The following PLCG2 variants were observed in gnomAD, a reference collection of about 807,000 sequenced individuals.
The protein encoded by PLCG2 is 1-phosphatidylinositol 4,5-bisphosphate phosphodiesterase gamma-2.
Under a neutral mutation model 175.6 loss-of-function variants are expected in PLCG2, and 69 were observed. That is an observed-to-expected ratio of 0.39 (90% confidence interval 0.32 to 0.48). PLCG2 has a LOEUF of 0.48. Among genes scored for constraint, PLCG2 ranks in the 20% least tolerant of loss-of-function variants. PLCG2 has a pLI of 0.91. For synonymous variants in PLCG2, 827 were observed against 624.0 expected (o/e 1.33, Z -4.85); for missense variants, 1,798 against 1,650.9 (o/e 1.09, Z -1.54).
intron 1 of PLCG2, among the ~76,000 whole-genome samples, chr16:81,753,494 C>G (rs1281851784): frequency 6.6e-6 from 1 of 151,664 alleles, no homozygotes; most frequent in Non-Finnish European, 1.5e-5. Flanking sequence ...TCTTGGCTCA[C>G]TGATGCCTCC....
chr16:81,798,937 C>G (rs1028609434), intron 2 of PLCG2: 1 of 152,452 alleles, frequency 6.6e-6, no homozygotes, highest in African/African-American at 2.4e-5. Flanking sequence ...CAGGATGTCC[C>G]TGGCCTGCCA....
At chr16:81,785,786 C>A in intron 1 of PLCG2, 157 bp from the exon 2 acceptor site, 1 of 555,786 alleles carries the variant, frequency 1.8e-6, no homozygotes. Flanking sequence ...CCTGCCTTAG[C>A]TCTCTGAGTG....
chr16:81,833,980 C>T (rs1285668547), intron 2 of PLCG2, among the ~76,000 whole-genome samples: 1 of 152,146 alleles, frequency 6.6e-6, no homozygotes, highest in Non-Finnish European at 1.5e-5. Context: ...CAGGTTCACC[C>T]CAAGGTTTTC....
upstream of PLCG2, among the ~76,000 whole-genome samples, chr16:81,774,744 GT>G (rs113581312): frequency 0.027 from 3,801 of 142,900 alleles, 92 homozygotes; most frequent in African/African-American, 0.066. Context: ...CTCTAAGGGT[GT>G]TTTTTTTTTT....
At chr16:81,770,848 G>C (rs1910263290) in intron 2 of PLCG2, among the ~76,000 whole-genome samples, 1 of 152,156 alleles carries the variant, frequency 6.6e-6, no homozygotes, top group South Asian at 2.1e-4. Context: ...CGTGAGGTCA[G>C]GAGATCGAGA....
chr16:81,754,731 G>A (rs924930826), intron 1 of PLCG2, among the ~76,000 whole-genome samples: 1 of 151,718 alleles, frequency 6.6e-6, no homozygotes, highest in Non-Finnish European at 1.5e-5. Context: ...AAGTATGTGT[G>A]GGAGGGATCC....
rs1555504902 is a variant in PLCG2 at position 81,771,069 on chromosome 16, A to AAAT, written c.-47-14872_-47-14871insTAA. Among the ~76,000 whole-genome samples the AAAT allele has an allele frequency of 7.0e-3, 1,022 of 145,132 alleles. 13 individuals carry two copies. The highest frequency in any genetic ancestry group is 0.014 in the Middle Eastern group (4 of 284). On this transcript the variant is annotated intron_variant, in intron 2 of 5. Coordinates refer to the PLCG2 transcript ENST00000565054. ...CGAGACTCCATCTCAAAAAAAAAAAAAAATAAATAAATAAATAAAAGGCCC... is the reference window on the plus strand; with the variant it reads ...CGAGACTCCATCTCAAAAAAAAAAAAAATAAATAAATAAATAAATAAAAGGCCC...
chr16:81,819,639 C>G (rs188098197), intron 2 of PLCG2, among the ~76,000 whole-genome samples: 1 of 152,210 alleles, frequency 6.6e-6, no homozygotes, highest in African/African-American at 2.4e-5. Context: ...GGCTGTAGTG[C>G]GGTGGCGCTA....
At chr16:81,857,793 C>T (rs574956659) in intron 3 of PLCG2, among the ~76,000 whole-genome samples, 1 of 152,210 alleles carries the variant, frequency 6.6e-6, no homozygotes, top group East Asian at 1.9e-4. Context: ...GTAATGGCTG[C>T]TATGAGCTGT....
intron 2 of PLCG2, among the ~76,000 whole-genome samples, chr16:81,799,737 C>T (rs1449877511): frequency 9.9e-5 from 15 of 152,048 alleles, no homozygotes; most frequent in Admixed American, 2.6e-4. Context: ...GGACTACAGG[C>T]GCCCGCCACC....
intron 1 of PLCG2, among the ~76,000 whole-genome samples, chr16:81,748,047 G>C (rs1453584256): frequency 6.6e-6 from 1 of 152,070 alleles, no homozygotes; most frequent in Non-Finnish European, 1.5e-5. Context: ...GCTAATTTTT[G>C]TATTTTTAGT....
At chr16:81,923,240 C>T (rs551475710) in intron 21 of PLCG2, among the ~76,000 whole-genome samples, 2 of 151,974 alleles carry the variant, frequency 1.3e-5, no homozygotes, top group Admixed American at 1.3e-4. Flanking sequence ...CTCCTAACCC[C>T]TAACCCTTAA....
intron 2 of PLCG2, among the ~76,000 whole-genome samples, chr16:81,764,953 G>T (rs1009296712): frequency 6.6e-6 from 1 of 151,630 alleles, no homozygotes; most frequent in East Asian, 1.9e-4. Context: ...GCCGGGCATA[G>T]TAGTGTGCAC....
At chr16:81,915,141 T>C (rs549026033) in intron 19 of PLCG2, among the ~76,000 whole-genome samples, 3 of 152,304 alleles carry the variant, frequency 2.0e-5, no homozygotes, top group Middle Eastern at 3.4e-3. Context: ...TGATGAGTGC[T>C]ACAAAGGGAT....
In PLCG2 at chr16:81,869,239, A is replaced by T; in HGVS notation, c.505A>T (p.Ile169Phe). The part of the protein sequence containing the change: ...NSISLRELKT[I>F]LPLINFKVSS... Reference sequence around the variant, plus strand: ...CATCAGTCTCCGAGAGTTGAAGACCATCTTGCCCCTGATCAACTTTAAAGT... The same window carrying T: ...CATCAGTCTCCGAGAGTTGAAGACCTTCTTGCCCCTGATCAACTTTAAAGT... Residue 169 changes from isoleucine to phenylalanine, a missense_variant, in exon 6 of 33, where the codon ATC (isoleucine) becomes TTC (phenylalanine). By Grantham distance (21) the Ile-to-Phe change is conservative. Transcript: ENST00000564138. 1 of 1,614,114 alleles carries T rather than the reference A, an allele frequency of 6.2e-7. No homozygotes were observed. Among genetic ancestry groups the T allele is most frequent in the Non-Finnish European group, 8.5e-7 (1 of 1,179,918 alleles).
intron 19 of PLCG2, among the ~76,000 whole-genome samples, chr16:81,914,831 G>A (rs145753623): frequency 2.8e-4 from 42 of 152,226 alleles, no homozygotes; most frequent in African/African-American, 9.6e-4. Flanking sequence ...AAGGATGGCC[G>A]CTCCCCACCT....
intron 7 of PLCG2, 95 bp downstream of exon 7, chr16:81,871,030 G>A: frequency 1.6e-6 from 1 of 632,416 alleles, no homozygotes; most frequent in Admixed American, 3.2e-5. Context: ...AAGAAGTGTT[G>A]AATCTCCATT....
intron 1 of PLCG2, among the ~76,000 whole-genome samples, chr16:81,745,667 G>C (rs925175157): frequency 6.6e-6 from 1 of 152,198 alleles, no homozygotes; most frequent in African/African-American, 2.4e-5. Flanking sequence ...GGTAGCTTCT[G>C]TAAGAAAAAG....
intron 2 of PLCG2, among the ~76,000 whole-genome samples, chr16:81,760,625 T>C (rs952902325): frequency 9.9e-5 from 15 of 151,814 alleles, no homozygotes; most frequent in Non-Finnish European, 1.8e-4. Context: ...ATAATACTTA[T>C]ATGGGCTGAG....
Sources: allele counts gnomAD v4.1 joint callset (sites outside exome capture counted in the v4.1 genomes callset), GRCh38; gene constraint gnomAD v4.1.1; transcripts MANE v1.5; gene names NCBI Gene and HGNC (gene_info 2026-07-23, HGNC 2026-07-21).